Variants in LRMDA observed in about 807,000 individuals in gnomAD.
LRMDA encodes the protein leucine rich melanocyte differentiation associated.
A neutral mutation model predicts 29.8 loss-of-function variants in LRMDA; 18 were observed. That is an observed-to-expected ratio of 0.60 (90% CI 0.42 to 0.90). The LOEUF (loss-of-function observed/expected upper bound fraction) is 0.90. Among genes scored for constraint, LRMDA ranks in the 40% least tolerant of loss-of-function variants. LRMDA has a pLI of 0.00. For missense variants in LRMDA, 273 were observed against 273.9 expected (o/e 1.00, Z 0.02); for synonymous variants, 125 against 109.4 (o/e 1.14, Z -0.89).
At chr10:75,797,444 G>A (rs1487587750) in intron 2 of LRMDA, among the ~76,000 whole-genome samples, 1 of 152,054 alleles carries the variant, frequency 6.6e-6, no homozygotes, top group Non-Finnish European at 1.5e-5. Flanking sequence ...GTTCTTCAGT[G>A]ATTTTTTTAA....
chr10:76,214,251 G>A (rs560779523), intron 5 of LRMDA, among the ~76,000 whole-genome samples: 2 of 150,908 alleles, frequency 1.3e-5, no homozygotes, highest in African/African-American at 4.9e-5. Flanking sequence ...CACAATGAAA[G>A]AATTGGCTTA....
chr10:75,919,743 G>C (rs897712507), intron 2 of LRMDA, among the ~76,000 whole-genome samples: 3 of 152,124 alleles, frequency 2.0e-5, no homozygotes, highest in Non-Finnish European at 2.9e-5. Context: ...AGCTTTTATG[G>C]AGATGTCTGC....
chr10:75,445,144 A>G (rs983274327), intron 2 of LRMDA, among the ~76,000 whole-genome samples: 3 of 152,162 alleles, frequency 2.0e-5, no homozygotes, highest in East Asian at 1.9e-4. Context: ...GGATCTCCCT[A>G]TGTTTCCCAG....
At chr10:76,223,694 C>T (rs190245182) in intron 5 of LRMDA, among the ~76,000 whole-genome samples, 1 of 152,164 alleles carries the variant, frequency 6.6e-6, no homozygotes, top group Non-Finnish European at 1.5e-5. Context: ...AGGGCTCCCA[C>T]CAGAACCAAC....
Position 75,968,288 on chromosome 10 carries a change from G to A in LRMDA, c.132-67720G>A, listed in dbSNP as rs558425153. 5.3e-5 allele frequency among the ~76,000 whole-genome samples: 8 copies of A among 152,204 alleles called. No individual in the cohort carries two copies. In the South Asian group the frequency reaches 1.5e-3, roughly 28 times the overall value. On this transcript the variant is annotated intron_variant, in intron 2 of 6. Transcript: ENST00000611255. ...CATAGAAGTTGTGGGGCTGATCTGT[G>A]CCCCAGCAGCATGGAAAAGGGAGGC...
intron 5 of LRMDA, among the ~76,000 whole-genome samples, chr10:76,129,866 T>C (rs1849955277): frequency 6.6e-6 from 1 of 152,230 alleles, no homozygotes; most frequent in Non-Finnish European, 1.5e-5. Context: ...TCAACCAGAC[T>C]ACTGGGATTC....
intron 2 of LRMDA, among the ~76,000 whole-genome samples, chr10:75,442,510 C>G (rs570629170): frequency 1.3e-5 from 2 of 152,314 alleles, no homozygotes; most frequent in African/African-American, 4.8e-5. Context: ...ATTGAAGAGA[C>G]TGTTCTTTCC....
intron 2 of LRMDA, among the ~76,000 whole-genome samples, chr10:75,843,029 G>A (rs751097887): frequency 3.3e-5 from 5 of 152,092 alleles, no homozygotes; most frequent in South Asian, 2.1e-4. Flanking sequence ...TCTAAAATAC[G>A]TAAGTAAATA....
chr10:76,161,031 C>T (rs1231155662), intron 5 of LRMDA, among the ~76,000 whole-genome samples: 1 of 151,830 alleles, frequency 6.6e-6, no homozygotes, highest in Non-Finnish European at 1.5e-5. Flanking sequence ...TCCCGAGAAA[C>T]GGTTGCGATA....
At chr10:75,592,661 G>A (rs1840738223) in intron 2 of LRMDA, among the ~76,000 whole-genome samples, 1 of 152,210 alleles carries the variant, frequency 6.6e-6, no homozygotes, top group Admixed American at 6.5e-5. Context: ...CGCGTCTGAC[G>A]CGGCAGCCCC....
intron 2 of LRMDA, among the ~76,000 whole-genome samples, chr10:75,911,320 A>C (rs1275768818): frequency 6.6e-6 from 1 of 152,126 alleles, no homozygotes; most frequent in Non-Finnish European, 1.5e-5. Context: ...AATCACAAGA[A>C]AGCTGGGAGG....
chr10:76,252,133 G>T (rs958969777), intron 5 of LRMDA, among the ~76,000 whole-genome samples: 1 of 152,060 alleles, frequency 6.6e-6, no homozygotes, highest in African/African-American at 2.4e-5. Flanking sequence ...CCCCAATGAC[G>T]CACACTAACT....
At chr10:75,917,940 C>T (rs530759341) in intron 2 of LRMDA, among the ~76,000 whole-genome samples, 1 of 147,426 alleles carries the variant, frequency 6.8e-6, no homozygotes, top group South Asian at 2.3e-4. Context: ...CACACATGCA[C>T]ACCCACACAT....
intron 4 of LRMDA, among the ~76,000 whole-genome samples, chr10:76,053,600 G>A (rs1419928724): frequency 6.6e-6 from 1 of 152,126 alleles, no homozygotes; most frequent in African/African-American, 2.4e-5. Flanking sequence ...GATCTCCCAG[G>A]ACCATGAAAG....
At chr10:75,696,249 T>C (rs1008783580) in intron 2 of LRMDA, among the ~76,000 whole-genome samples, 3 of 152,214 alleles carry the variant, frequency 2.0e-5, no homozygotes, top group African/African-American at 7.2e-5. Flanking sequence ...ATGCTTTGTG[T>C]ACATTGTGGA....
At chr10:75,836,782 C>T (rs554386662) in intron 2 of LRMDA, among the ~76,000 whole-genome samples, 37 of 152,242 alleles carry the variant, frequency 2.4e-4, no homozygotes, top group Middle Eastern at 3.4e-3. Context: ...CCTCTCTCTC[C>T]GAATGATCTT....
At chr10:75,641,412 A>G (rs1226000533) in intron 2 of LRMDA, among the ~76,000 whole-genome samples, 1 of 150,236 alleles carries the variant, frequency 6.7e-6, no homozygotes, top group African/African-American at 2.4e-5. Context: ...AATATATAAT[A>G]TATATATATA....
chr10:76,104,787 AC>A (rs1189674920), intron 5 of LRMDA, among the ~76,000 whole-genome samples: 1 of 151,630 alleles, frequency 6.6e-6, no homozygotes, highest in South Asian at 2.1e-4. Context: ...TTTGTGGCTC[AC>A]CCCCCATATG....
intron 2 of LRMDA, among the ~76,000 whole-genome samples, chr10:75,738,008 G>T (rs571668641): frequency 1.3e-4 from 20 of 152,156 alleles, no homozygotes; most frequent in Non-Finnish European, 2.9e-4. Context: ...CTCTGGTTTG[G>T]GTTAGAGTGG....
Sources: gnomAD v4.1 joint callset for allele counts (sites outside exome capture counted in the v4.1 genomes callset) on GRCh38, gnomAD v4.1.1 for gene constraint, MANE v1.5 for transcripts, NCBI Gene and HGNC (gene_info 2026-07-23, HGNC 2026-07-21) for gene names.